LRP1B: variants seen among roughly 807,000 people sequenced by gnomAD.
The protein encoded by LRP1B is low-density lipoprotein receptor-related protein 1B.
A neutral mutation model predicts 556.6 loss-of-function variants in LRP1B; 217 were observed. The observed-to-expected ratio is 0.39, with a 90% CI of 0.35 to 0.44. The LOEUF (loss-of-function observed/expected upper bound fraction) is 0.44. Ranked by LOEUF, LRP1B falls within the 20% of genes least tolerant of loss-of-function variation. LRP1B has a pLI of 1.00. For missense variants in LRP1B, 5,053 were observed against 5,620.8 expected (o/e 0.90, Z 3.23); for synonymous variants, 2,047 against 1,865.8 (o/e 1.10, Z -2.50).
rs77153115 is a variant in LRP1B at position 140,948,825 on chromosome 2, T to A, written c.3136+1410A>T. Reference sequence around the variant, plus strand: ...TTATAATCCAAGTTCTCCAGGTAAATTAAAAAATCACACAATATGTATTTT... The same window carrying A: ...TTATAATCCAAGTTCTCCAGGTAAAATAAAAAATCACACAATATGTATTTT... On this transcript the variant is annotated intron_variant, in intron 20 of 90. Coordinates refer to ENST00000389484, the MANE Select transcript of LRP1B (RefSeq NM_018557.3). Among the ~76,000 whole-genome samples the A allele has an allele frequency of 5.3e-3, 801 of 152,248 alleles. 8 individuals are homozygous for A. The highest frequency in any genetic ancestry group is 0.018 in the African/African-American group (757 of 41,544).
intron 1 of LRP1B, among the ~76,000 whole-genome samples, chr2:142,048,730 A>G (rs1704343360): frequency 1.3e-5 from 2 of 152,042 alleles, no homozygotes; most frequent in Admixed American, 6.6e-5. Flanking sequence ...CAAGGCAAAT[A>G]ATGTGACACT....
At chr2:142,032,628 T>C (rs1703747271) in intron 1 of LRP1B, among the ~76,000 whole-genome samples, 1 of 151,852 alleles carries the variant, frequency 6.6e-6, no homozygotes, top group Non-Finnish European at 1.5e-5. Context: ...CCTCTCTCTG[T>C]CTCTCATTTG....
In LRP1B at chr2:140,716,036, C is replaced by T. The variant is rs202025670; in HGVS notation, c.5960G>A (p.Arg1987His). 47 of 1,608,926 alleles carry T rather than the reference C, an allele frequency of 2.9e-5. No individual in the cohort carries two copies. Among genetic ancestry groups the T allele is most frequent in the East Asian group, 4.5e-5 (2 of 44,696 alleles). ...CAGGCCTTGGGAAATAATTACATAACGGAAAGAACCATTGAGTCTTGCAAC... is the reference window on the plus strand; with the variant it reads ...CAGGCCTTGGGAAATAATTACATAATGGAAAGAACCATTGAGTCTTGCAAC... Reference protein sequence around the residue: ...IEVARLNGSFRYVIISQGLDQ... With the variant: ...IEVARLNGSFHYVIISQGLDQ... The change falls in exon 37 of 91, where the codon CGT (arginine) becomes CAT (histidine). Residue 1987 changes from arginine to histidine, a missense_variant. By Grantham distance (29) the Arg-to-His change is conservative (BLOSUM62 0). Transcript: ENST00000389484.
intron 3 of LRP1B, among the ~76,000 whole-genome samples, chr2:141,378,331 G>C (rs1689512530): frequency 6.6e-6 from 1 of 152,050 alleles, no homozygotes; most frequent in Admixed American, 6.6e-5. Context: ...ACTAAAAGAG[G>C]TAAAGGCAAC....
At chr2:140,333,443 AT>A (rs1173036628) in intron 79 of LRP1B, among the ~76,000 whole-genome samples, 3 of 152,236 alleles carry the variant, frequency 2.0e-5, no homozygotes, top group African/African-American at 7.2e-5. Flanking sequence ...CATGGTAGAC[AT>A]TCAATGGGCA....
chr2:140,467,467 C>T (rs1052258408), intron 60 of LRP1B, among the ~76,000 whole-genome samples: 6 of 151,404 alleles, frequency 4.0e-5, no homozygotes, highest in Non-Finnish European at 8.8e-5. Context: ...AAAAAATTTG[C>T]TGGGCCTGGT....
At chr2:141,081,725 AG>A (rs1238855806) in intron 7 of LRP1B, among the ~76,000 whole-genome samples, 9 of 152,310 alleles carry the variant, frequency 5.9e-5, no homozygotes, top group African/African-American at 1.7e-4. Flanking sequence ...CAGAAGAAAA[AG>A]TGAGATACTG....
At chr2:141,628,553 T>G (rs1390385538) in intron 2 of LRP1B, among the ~76,000 whole-genome samples, 5 of 152,178 alleles carry the variant, frequency 3.3e-5, no homozygotes, top group Non-Finnish European at 7.3e-5. Context: ...GTAAACATGA[T>G]GAACAAGGTA....
chr2:141,450,720 T>C (rs1017253925), intron 3 of LRP1B, among the ~76,000 whole-genome samples: 3 of 152,078 alleles, frequency 2.0e-5, no homozygotes, highest in African/African-American at 7.2e-5. Flanking sequence ...AATCTTCATT[T>C]ATTTGAATTG....
At position 140,743,381 on chromosome 2, in the gene LRP1B, T is replaced by C. The variant is rs181754417; in HGVS notation, c.5758+25832A>G. Among the ~76,000 whole-genome samples, 24 of 152,266 alleles carry C rather than the reference T, an allele frequency of 1.6e-4. 1 individual carries two copies. The highest frequency in any genetic ancestry group is 5.5e-4 in the African/African-American group (23 of 41,554). ...TAATTGTGAAAAGAAAGGTTAGAGATTGGAAAAACAGAGAGATTGGAAAAA... is the reference window on the plus strand; with the variant it reads ...TAATTGTGAAAAGAAAGGTTAGAGACTGGAAAAACAGAGAGATTGGAAAAA... On this transcript the variant is annotated intron_variant, in intron 35 of 90. Coordinates refer to ENST00000389484, the MANE Select transcript of LRP1B (RefSeq NM_018557.3).
chr2:141,010,282 TGAG>T (rs566964387), intron 14 of LRP1B, among the ~76,000 whole-genome samples: 26 of 152,130 alleles, frequency 1.7e-4, no homozygotes, highest in African/African-American at 5.3e-4. Context: ...GCTCTTTATA[TGAG>T]GAGGAGAAGA....
At chr2:140,428,980 A>G (rs1041118623) in intron 66 of LRP1B, among the ~76,000 whole-genome samples, 1 of 151,844 alleles carries the variant, frequency 6.6e-6, no homozygotes, top group Non-Finnish European at 1.5e-5. Flanking sequence ...CTTCTTCCCA[A>G]TCCAAAGCCT....
chr2:142,087,102 G>T (rs1466868168), intron 1 of LRP1B, among the ~76,000 whole-genome samples: 3 of 152,118 alleles, frequency 2.0e-5, no homozygotes, highest in Non-Finnish European at 4.4e-5. Context: ...AGTAAAGAAT[G>T]AGAGAGTAAT....
At chr2:141,207,433 G>A (rs1017083923) in intron 6 of LRP1B, among the ~76,000 whole-genome samples, 1 of 152,090 alleles carries the variant, frequency 6.6e-6, no homozygotes, top group Non-Finnish European at 1.5e-5. Flanking sequence ...ATATGGTAAT[G>A]AATTATTCTT....
At chr2:141,994,417 G>C (rs1449928752) in intron 1 of LRP1B, among the ~76,000 whole-genome samples, 1 of 152,106 alleles carries the variant, frequency 6.6e-6, no homozygotes, top group Non-Finnish European at 1.5e-5. Flanking sequence ...GTGCTTTGTA[G>C]ACTATGAAAA....
intron 13 of LRP1B, among the ~76,000 whole-genome samples, chr2:141,014,005 C>A (rs1024794379): frequency 2.6e-5 from 4 of 151,946 alleles, no homozygotes; most frequent in Admixed American, 1.3e-4. Flanking sequence ...AATGTAAATT[C>A]TTTCATCTAT....
At chr2:140,325,740 A>G (rs1458184026) in intron 80 of LRP1B, 22 bp downstream of exon 80, 3 of 1,473,096 alleles carry the variant, frequency 2.0e-6, no homozygotes, top group Non-Finnish European at 1.9e-6. Flanking sequence ...ATTAAAAATG[A>G]AGACAAAAGC....
At chr2:140,789,840 C>A (rs1370248395) in intron 32 of LRP1B, among the ~76,000 whole-genome samples, 1 of 151,394 alleles carries the variant, frequency 6.6e-6, no homozygotes, top group African/African-American at 2.4e-5. Flanking sequence ...CCGTTTTAGC[C>A]GGGATGGTCT....
At chr2:140,372,950 T>C (rs2105170741) in intron 69 of LRP1B, 58 bp downstream of exon 69, 1 of 1,588,344 alleles carries the variant, frequency 6.3e-7, no homozygotes, top group Non-Finnish European at 8.6e-7. Context: ...GCTGCTTAAA[T>C]TTAAATTCTA....
Sources: gnomAD v4.1 joint callset for allele counts (sites outside exome capture counted in the v4.1 genomes callset) on GRCh38, gnomAD v4.1.1 for gene constraint, MANE v1.5 for transcripts, NCBI Gene and HGNC (gene_info 2026-07-23, HGNC 2026-07-21) for gene names.